Variants in CLPTM1L observed in about 807,000 individuals in gnomAD.
The protein encoded by CLPTM1L is CLPTM1 like, also known as lipid scramblase CLPTM1L.
In CLPTM1L, 38 loss-of-function variants were observed where a neutral mutation model predicts 70.9. That is an observed-to-expected ratio of 0.54 (90% CI 0.41 to 0.70). The LOEUF (loss-of-function observed/expected upper bound fraction) is 0.70. Among genes scored for constraint, CLPTM1L ranks in the 30% least tolerant of loss-of-function variants. The pLI is 0.00. For synonymous variants in CLPTM1L, 339 were observed against 299.9 expected (o/e 1.13, Z -1.35); for missense variants, 652 against 705.9 (o/e 0.92, Z 0.87).
Position 1,325,644 on chromosome 5 carries a change from A to C in CLPTM1L, c.1146+107T>G, listed in dbSNP as rs1014732179. 1.5e-5 allele frequency: 13 copies of C among 860,356 alleles called. No homozygotes were observed. In the African/African-American group the frequency reaches 2.0e-4, roughly 13 times the overall value. 53.3% of individuals were successfully genotyped at this position (860,356 alleles called of 1,614,324 possible). A position where few individuals can be genotyped will look rare whatever the true frequency, so the allele number is the denominator to read the frequency against. ...TCCACCACGGAGGCTCCCCTGACAG[A>C]GGCCCGCAGTGACTCATCTGCAGAT... is the stretch of plus-strand genomic sequence containing the variant. On this transcript the variant is annotated intron_variant, in intron 10 of 16. Coordinates refer to ENST00000320895, the MANE Select transcript of CLPTM1L (RefSeq NM_030782.5).
chr5:1,323,230 C>T (rs577727662), intron 12 of CLPTM1L, among the ~76,000 whole-genome samples: 73 of 147,438 alleles, frequency 5.0e-4, no homozygotes, highest in African/African-American at 1.8e-3. Flanking sequence ...CAGCAGAGGC[C>T]GGGCACTCCA....
In CLPTM1L at chr5:1,334,420, C is replaced by G. The variant is rs1330564237; in HGVS notation, c.797-37G>C. ...AAAAAAACATACAATATAAAACAGGCAATGTCAATCTTACCTAACATTACA... is the reference window on the plus strand; with the variant it reads ...AAAAAAACATACAATATAAAACAGGGAATGTCAATCTTACCTAACATTACA... On this transcript the variant is annotated intron_variant, in intron 6 of 16. Coordinates refer to ENST00000320895, the MANE Select transcript of CLPTM1L (RefSeq NM_030782.5). 2.9e-6 allele frequency: 4 copies of G among 1,367,302 alleles called. No homozygotes were observed. The African/African-American group carries it at 4.3e-5, about 15-fold the overall frequency. 84.7% of individuals were successfully genotyped at this position (1,367,302 alleles called of 1,614,324 possible). A position where few individuals can be genotyped will look rare whatever the true frequency, so the allele number is the denominator to read the frequency against.
intron 1 of CLPTM1L, 107 bp downstream of exon 1, chr5:1,344,573 G>A (rs777556020): frequency 1.4e-6 from 2 of 1,454,858 alleles, no homozygotes; most frequent in African/African-American, 2.8e-5. Flanking sequence ...GTTCCATCTC[G>A]ACTCGCGCGG....
At chr5:1,331,558 CAGGCCCTGAGCTGTGCAGCCGCTGG>C (rs538006730) in intron 8 of CLPTM1L, 107,123 of 582,186 alleles carry the variant, frequency 0.18, 12,525 homozygotes, top group East Asian at 0.46. Context: ...AGTCCGCAGC[CAGGCCCTGAGCTGTGCAGCCGCTGG>C]AGGCCCTGAG....
intron 6 of CLPTM1L, 33 bp from the exon 7 acceptor site, chr5:1,334,416 C>T: frequency 1.4e-6 from 2 of 1,406,344 alleles, no homozygotes; most frequent in East Asian, 4.6e-5. Flanking sequence ...CAATATAAAA[C>T]AGGCAATGTC....
intron 8 of CLPTM1L, 173 bp from the exon 9 acceptor site, chr5:1,330,556 T>G: frequency 1.7e-6 from 1 of 591,694 alleles, no homozygotes; most frequent in Admixed American, 2.9e-5. Context: ...ATTCAGCAGC[T>G]AGGAAAGTGT....
chr5:1,341,347 A>G (rs1254142361), intron 3 of CLPTM1L, among the ~76,000 whole-genome samples: 2 of 152,222 alleles, frequency 1.3e-5, no homozygotes, highest in East Asian at 3.8e-4. Context: ...GCTGCAGGCC[A>G]GCTCTGCAGG....
intron 9 of CLPTM1L, among the ~76,000 whole-genome samples, chr5:1,327,474 T>A (rs1752682854): frequency 6.7e-6 from 1 of 148,206 alleles, no homozygotes; most frequent in African/African-American, 2.5e-5. Flanking sequence ...ATCCAGCTCC[T>A]CCTCTACAGG....
chr5:1,337,847 A>G, intron 5 of CLPTM1L, 57 bp downstream of exon 5: 1 of 1,383,642 alleles, frequency 7.2e-7, no homozygotes, highest in Non-Finnish European at 1.0e-6. Context: ...CTGCGGGGCC[A>G]GTCTTGGGGT....
At position 1,318,282 on chromosome 5, in the gene CLPTM1L, G is replaced by A. The variant is rs1402706311; in HGVS notation, c.*87C>T. On this transcript the variant is annotated 3_prime_UTR_variant, in exon 17 of 17. Transcript: ENST00000320895. The surrounding 1 kb of genome is among the most constrained non-coding windows in gnomAD (Gnocchi z 8.9). The stretch of plus-strand genomic sequence containing the variant: ...AAGGGATTTTGGCAACACAGAAAAC[G>A]CAATGTCTAGGAATTCCTCCAAATG... 4.6e-6 allele frequency: 5 copies of A among 1,081,248 alleles called. No homozygotes were observed. Among genetic ancestry groups the A allele is most frequent in the African/African-American group, 1.6e-5 (1 of 64,400 alleles). 67.0% of individuals were successfully genotyped at this position (1,081,248 alleles called of 1,614,324 possible). A position where few individuals can be genotyped will look rare whatever the true frequency, so the allele number is the denominator to read the frequency against.
At chr5:1,334,754 AAAACAAAC>A (rs3030834) in intron 6 of CLPTM1L, among the ~76,000 whole-genome samples, 73 of 151,228 alleles carry the variant, frequency 4.8e-4, no homozygotes, top group Middle Eastern at 3.4e-3. Context: ...ACTCTGTCTC[AAAACAAAC>A]AAACAAACAA....
At position 1,334,245 on chromosome 5, in the gene CLPTM1L, AG is replaced by A. The variant is rs762936682; in HGVS notation, c.891+43del. On this transcript the variant is annotated intron_variant, in intron 7 of 16. Transcript: ENST00000320895. ...CCTGCAGGAGGCCCGGGGCCCAGGG[AG>A]CCCCCCAAGTGCCTGCGGCAAGCCC... is the stretch of plus-strand genomic sequence containing the variant. 4.6e-5 allele frequency: 67 copies of A among 1,445,688 alleles called. No individual in the cohort carries two copies. In the South Asian group the frequency reaches 7.5e-4, roughly 16 times the overall value. 89.6% of individuals were successfully genotyped at this position (1,445,688 alleles called of 1,614,324 possible). A position where few individuals can be genotyped will look rare whatever the true frequency, so the allele number is the denominator to read the frequency against.
chr5:1,339,180 T>A (rs997947622), intron 3 of CLPTM1L, among the ~76,000 whole-genome samples, 175 bp from the exon 4 acceptor site: 2 of 140,824 alleles, frequency 1.4e-5, no homozygotes, highest in Non-Finnish European at 1.5e-5. Context: ...GGGCAAACTG[T>A]GCCCGGGACA....
intron 2 of CLPTM1L, among the ~76,000 whole-genome samples, 155 bp downstream of exon 2, chr5:1,344,196 G>A (rs1226870871): frequency 6.6e-6 from 1 of 152,228 alleles, no homozygotes; most frequent in Admixed American, 6.5e-5. Context: ...TACAGGCCAC[G>A]CATAGGCCTC....
In CLPTM1L at chr5:1,341,620, G is replaced by A. The variant is rs144840038; in HGVS notation, c.453+51C>T. 4.8e-4 allele frequency: 708 copies of A among 1,490,016 alleles called. 2 individuals are homozygous for A. In the African/African-American group the frequency reaches 7.5e-3, roughly 16 times the overall value. 92.3% of individuals were successfully genotyped at this position (1,490,016 alleles called of 1,614,324 possible). Reference sequence around the variant, plus strand: ...CACCTGTGTGGAGAAAGACATGTCCGTTCTGACGGAGAGGCACAGCCTGTT... The same window carrying A: ...CACCTGTGTGGAGAAAGACATGTCCATTCTGACGGAGAGGCACAGCCTGTT... On this transcript the variant is annotated intron_variant, in intron 3 of 16. Transcript: ENST00000320895.
At chr5:1,329,022 G>GCTCCTCCTCTACAGAGACATT (rs1288432484) in intron 9 of CLPTM1L, among the ~76,000 whole-genome samples, 1 of 152,180 alleles carries the variant, frequency 6.6e-6, no homozygotes, top group African/African-American at 2.4e-5. Context: ...CTCCTCTACA[G>GCTCCTCCTCTACAGAGACATT]GCATGACGGC....
In CLPTM1L at chr5:1,337,894, T is replaced by C. The variant is rs940585345; in HGVS notation, c.678+10A>G. On this transcript the variant is annotated intron_variant, in intron 5 of 16. Transcript: ENST00000320895. ...CAGCTGCACAACCAGCGGGCAGAGG[T>C]GTCACTCACCATCAGGTCCTTCACG... 2 of 1,580,666 alleles carry C rather than the reference T, an allele frequency of 1.3e-6. No homozygotes were observed. Among genetic ancestry groups the C allele is most frequent in the Non-Finnish European group, 8.6e-7 (1 of 1,166,008 alleles).
At position 1,328,322 on chromosome 5, in the gene CLPTM1L, TACGGACAC is replaced by T. The variant is rs1280772066; in HGVS notation, c.1080+1950_1080+1957del. ...GATACATTTCATCCAGCTACTCCTC[TACGGACAC>T]ATTTCATCCAGCTCCTCCTCTACGG... On this transcript the variant is annotated intron_variant, in intron 9 of 16. Transcript: ENST00000320895. Among the ~76,000 whole-genome samples, 528 of 72,568 alleles carry T rather than the reference TACGGACAC, an allele frequency of 7.3e-3. 23 individuals carry two copies. Among genetic ancestry groups the T allele is most frequent in the African/African-American group, 0.032 (494 of 15,666 alleles). The allele number at this position is 72,568 out of a possible 152,430, so 47.6% of individuals were successfully genotyped here. A position where few individuals can be genotyped will look rare whatever the true frequency, so the allele number is the denominator to read the frequency against.
At chr5:1,334,943 C>A in intron 6 of CLPTM1L, 114 bp downstream of exon 6, 4 of 704,904 alleles carry the variant, frequency 5.7e-6, no homozygotes, top group South Asian at 3.3e-5. Flanking sequence ...AACGTCTGTG[C>A]AAGGATCTGC....
Sources: allele counts gnomAD v4.1 joint callset (sites outside exome capture counted in the v4.1 genomes callset), GRCh38; gene constraint gnomAD v4.1.1; non-coding constraint Gnocchi (gnomAD v3.1); transcripts MANE v1.5; gene names NCBI Gene and HGNC (gene_info 2026-07-23, HGNC 2026-07-21).